EFTUD2: variants seen among roughly 807,000 people sequenced by gnomAD.
The protein encoded by EFTUD2 is elongation factor Tu GTP binding domain containing 2.
In EFTUD2, 9 loss-of-function variants were observed where a neutral mutation model predicts 114.3. The ratio of observed to expected loss-of-function variants is 0.08; its 90% CI spans 0.05 to 0.14. The LOEUF is 0.14. Ranked by LOEUF, EFTUD2 falls within the 10% of genes least tolerant of loss-of-function variation. The pLI, the probability that EFTUD2 is intolerant of heterozygous loss-of-function variation, is 1.00. For synonymous variants in EFTUD2, 449 were observed against 462.3 expected (o/e 0.97, Z 0.37); for missense variants, 765 against 1,241.2 (o/e 0.62, Z 5.76).
At chr17:44,883,035 G>A in intron 6 of EFTUD2, 58 bp downstream of exon 6, 1 of 1,539,478 alleles carries the variant, frequency 6.5e-7, no homozygotes. Context: ...GGAGGAGAGA[G>A]ACATCTCTAT....
chr17:44,875,713 G>A (rs1452524419), intron 10 of EFTUD2: 1 of 414,880 alleles, frequency 2.4e-6, no homozygotes, highest in Non-Finnish European at 4.3e-6. Context: ...TCTCTAAAAA[G>A]AGAAGAAATT....
At chr17:44,856,668 T>A (rs2050560095) in intron 20 of EFTUD2, among the ~76,000 whole-genome samples, 1 of 151,554 alleles carries the variant, frequency 6.6e-6, no homozygotes. Flanking sequence ...AATAAAAAAA[T>A]TAACAGATGG....
chr17:44,863,009 G>A (rs2050685070), intron 15 of EFTUD2, 103 bp from the exon 16 acceptor site: 1 of 964,094 alleles, frequency 1.0e-6, no homozygotes, highest in Admixed American at 2.3e-5. Context: ...TCTATGAGGA[G>A]CTAGAGAAAG....
rs1048336577 is a variant in EFTUD2, at chr17:44,850,437, A to G, written c.*837T>C. The G allele has an allele frequency of 2.8e-6, 4 of 1,427,084 alleles. No individual in the cohort carries two copies. In the African/African-American group the frequency reaches 5.6e-5, roughly 20 times the overall value. 88.4% of individuals were successfully genotyped at this position (1,427,084 alleles called of 1,614,324 possible). A position where few individuals can be genotyped will look rare whatever the true frequency, so the allele number is the denominator to read the frequency against. ...CGGGGCTGTCCAACTCCCCTAACTC[A>G]ATCCCTGGTACATTCCTAATAAAGC... On this transcript the variant is annotated 3_prime_UTR_variant, in exon 28 of 28. Coordinates refer to ENST00000426333, the MANE Select transcript of EFTUD2 (RefSeq NM_004247.4).
At chr17:44,886,385 A>T (rs779634869) in intron 3 of EFTUD2, among the ~76,000 whole-genome samples, 200 bp downstream of exon 3, 24 of 152,144 alleles carry the variant, frequency 1.6e-4, no homozygotes, top group Admixed American at 6.5e-5. Context: ...ATAAGAAATA[A>T]CTCTTATTTG....
In EFTUD2 at chr17:44,850,443, T is replaced by C; in HGVS notation, c.*831A>G. 1 of 1,398,656 alleles carries C rather than the reference T, an allele frequency of 7.1e-7. No homozygotes were observed. Among genetic ancestry groups the C allele is most frequent in the South Asian group, 1.2e-5 (1 of 84,334 alleles). The allele number at this position is 1,398,656 out of a possible 1,614,324, so 86.6% of individuals were successfully genotyped here. A position where few individuals can be genotyped will look rare whatever the true frequency, so the allele number is the denominator to read the frequency against. ...TGTCCAACTCCCCTAACTCAATCCC[T>C]GGTACATTCCTAATAAAGCAGTTTT... On this transcript the variant is annotated 3_prime_UTR_variant, in exon 28 of 28. Coordinates refer to ENST00000426333, the MANE Select transcript of EFTUD2 (RefSeq NM_004247.4).
chr17:44,882,851 C>G (rs1014147000), intron 6 of EFTUD2, among the ~76,000 whole-genome samples: 9 of 152,120 alleles, frequency 5.9e-5, no homozygotes, highest in African/African-American at 2.2e-4. Context: ...TATATCATAA[C>G]AGAGGAGGGA....
chr17:44,894,146 C>T, intron 2 of EFTUD2: 1 of 341,768 alleles, frequency 2.9e-6, no homozygotes, highest in Non-Finnish European at 5.4e-6. Flanking sequence ...GAGGCCAAGG[C>T]AGGTGGACTG....
At chr17:44,871,652 C>T (rs1051308285) in intron 11 of EFTUD2, among the ~76,000 whole-genome samples, 4 of 152,074 alleles carry the variant, frequency 2.6e-5, no homozygotes, top group African/African-American at 9.7e-5. Context: ...AAAGACTGAA[C>T]TTTAATCCCT....
At position 44,854,880 on chromosome 17, in the gene EFTUD2, G is replaced by A. The variant is rs2050519746; in HGVS notation, c.2132+38C>T. ...CCGGCAGTTAAACTGTGGCATCCCT[G>A]CCTCCTTTCGACCCTGGCGTCAGAG... On this transcript the variant is annotated intron_variant, in intron 21 of 27. Transcript: ENST00000426333. The surrounding 1 kb of genome is among the most constrained non-coding windows in gnomAD (Gnocchi z 4.3). 1 of 1,601,074 alleles carries A rather than the reference G, an allele frequency of 6.2e-7. No homozygotes were observed. Among genetic ancestry groups the A allele is most frequent in the Non-Finnish European group, 8.6e-7 (1 of 1,168,478 alleles).
intron 15 of EFTUD2, 86 bp from the exon 16 acceptor site, chr17:44,862,992 C>T: frequency 2.6e-6 from 3 of 1,160,440 alleles, no homozygotes; most frequent in Non-Finnish European, 3.7e-6. Context: ...ACAGCAAGGA[C>T]ATGAGCTCTA....
At chr17:44,891,704 T>C (rs1394030813) in intron 2 of EFTUD2, 1 of 152,174 alleles carries the variant, frequency 6.6e-6, no homozygotes, top group African/African-American at 2.4e-5. Flanking sequence ...AGAGATATAA[T>C]TCACATTCCA....
chr17:44,853,229 G>A (rs1418583572), intron 25 of EFTUD2, 67 bp downstream of exon 25: 15 of 1,534,626 alleles, frequency 9.8e-6, no homozygotes, highest in Non-Finnish European at 1.2e-5. Flanking sequence ...TTCCCTGTAG[G>A]AGCCGAGGTG....
intron 3 of EFTUD2, among the ~76,000 whole-genome samples, chr17:44,885,714 G>A (rs1418596315): frequency 5.3e-5 from 8 of 152,008 alleles, no homozygotes; most frequent in Non-Finnish European, 7.4e-5. Flanking sequence ...AGGCTGAAGC[G>A]TACAAATGGC....
chr17:44,884,416 G>C (rs2051127675), intron 4 of EFTUD2: 1 of 152,230 alleles, frequency 6.6e-6, no homozygotes, highest in Admixed American at 6.5e-5. Flanking sequence ...CTACTCAGGA[G>C]GCTGAGGCGG....
chr17:44,892,170 T>C (rs1299989859), intron 2 of EFTUD2: 2 of 152,226 alleles, frequency 1.3e-5, no homozygotes, highest in Non-Finnish European at 2.9e-5. Flanking sequence ...TAAACCTCTG[T>C]TCTCTATCTT....
chr17:44,870,035 G>A (rs1173877397), intron 11 of EFTUD2, among the ~76,000 whole-genome samples: 1 of 152,210 alleles, frequency 6.6e-6, no homozygotes, highest in South Asian at 2.1e-4. Context: ...GTGACCATGG[G>A]CATAGTTTCC....
intron 16 of EFTUD2, among the ~76,000 whole-genome samples, chr17:44,860,759 C>T (rs2050642273): frequency 6.6e-6 from 1 of 151,916 alleles, no homozygotes; most frequent in Non-Finnish European, 1.5e-5. Context: ...ACTAACATGC[C>T]CAACTAATTT....
At chr17:44,878,241 T>C (rs890745554) in intron 9 of EFTUD2, among the ~76,000 whole-genome samples, 1 of 152,176 alleles carries the variant, frequency 6.6e-6, no homozygotes, top group African/African-American at 2.4e-5. Context: ...AACTAGTAGA[T>C]AAAGTTTGAT....
Sources: gnomAD v4.1 joint callset for allele counts (sites outside exome capture counted in the v4.1 genomes callset) on GRCh38, gnomAD v4.1.1 for gene constraint, Gnocchi (gnomAD v3.1) non-coding constraint, MANE v1.5 for transcripts, NCBI Gene and HGNC (gene_info 2026-07-23, HGNC 2026-07-21) for gene names.